POU2AF2: variants seen among roughly 807,000 people sequenced by gnomAD.
The protein encoded by POU2AF2 is POU class 2 homeobox associating factor 2.
At chr11:111,254,123 A>G in the POU2AF2 span, among the ~76,000 whole-genome samples, 1 of 152,250 alleles carries the variant, frequency 6.6e-6, no homozygotes, top group Non-Finnish European at 1.5e-5. Context: ...CACTCAATCA[A>G]TAATCAATAA....
the POU2AF2 span, among the ~76,000 whole-genome samples, chr11:111,267,640 G>A: frequency 8.5e-4 from 129 of 152,234 alleles, 1 homozygote; most frequent in South Asian, 0.026. Flanking sequence ...CCCCTTTCGA[G>A]GGCTGGAAGA....
chr11:111,284,205 C>A, the POU2AF2 span: 2 of 1,614,228 alleles, frequency 1.2e-6, no homozygotes, highest in Non-Finnish European at 1.7e-6. Flanking sequence ...CCCTGTGAGT[C>A]CTCCGCAGGG....
chr11:111,278,543 G>T, the POU2AF2 span, among the ~76,000 whole-genome samples: 1 of 143,758 alleles, frequency 7.0e-6, no homozygotes, highest in Non-Finnish European at 1.5e-5. Context: ...CCAGAGAGAT[G>T]ATCTCTCTCT....
chr11:111,281,699 T>G, the POU2AF2 span, among the ~76,000 whole-genome samples: 1 of 152,212 alleles, frequency 6.6e-6, no homozygotes, highest in African/African-American at 2.4e-5. Flanking sequence ...TGATACAGTT[T>G]TAAATTGTCT....
chr11:111,274,825 C>T, the POU2AF2 span, among the ~76,000 whole-genome samples: 57 of 152,176 alleles, frequency 3.7e-4, 1 homozygote, highest in African/African-American at 1.2e-3. Flanking sequence ...GGTTAAGAAA[C>T]AGGCTCTGAT....
the POU2AF2 span, among the ~76,000 whole-genome samples, chr11:111,276,439 G>GAAAAAAGAAA: frequency 9.0e-5 from 4 of 44,442 alleles, no homozygotes; most frequent in Non-Finnish European, 1.6e-4. Flanking sequence ...CTACTAAAAA[G>GAAAAAAGAAA]AAAAAAAAAA....
At chr11:111,266,337 C>T in the POU2AF2 span, among the ~76,000 whole-genome samples, 1 of 152,124 alleles carries the variant, frequency 6.6e-6, no homozygotes, top group Non-Finnish European at 1.5e-5. Flanking sequence ...TTTTCCCAGA[C>T]CTCAGAACGT....
chr11:111,247,462 C>A, the POU2AF2 span, among the ~76,000 whole-genome samples: 1 of 152,120 alleles, frequency 6.6e-6, no homozygotes, highest in Non-Finnish European at 1.5e-5. Flanking sequence ...GACCTAGCAT[C>A]TTTAAAAGTT....
At chr11:111,255,273 T>C in the POU2AF2 span, among the ~76,000 whole-genome samples, 13 of 152,176 alleles carry the variant, frequency 8.5e-5, no homozygotes, top group African/African-American at 3.1e-4. Context: ...CAGACCTCAG[T>C]TTCCCCATCT....
the POU2AF2 span, chr11:111,286,211 C>A: frequency 1.4e-6 from 1 of 727,238 alleles, no homozygotes. Context: ...ATCCTCTCCA[C>A]TGTAACCCCA....
chr11:111,268,815 C>T, the POU2AF2 span, among the ~76,000 whole-genome samples: 7 of 151,858 alleles, frequency 4.6e-5, no homozygotes, highest in Non-Finnish European at 7.4e-5. Flanking sequence ...CCCAAAGTGC[C>T]GGGATTACAG....
chr11:111,254,002 T>G, the POU2AF2 span, among the ~76,000 whole-genome samples: 4 of 152,326 alleles, frequency 2.6e-5, no homozygotes, highest in South Asian at 8.3e-4. Context: ...CTAGGTGTAT[T>G]TCTGTTCTTG....
the POU2AF2 span, among the ~76,000 whole-genome samples, chr11:111,281,085 G>A: frequency 6.6e-6 from 1 of 152,134 alleles, no homozygotes; most frequent in African/African-American, 2.4e-5. Context: ...CGTATATATA[G>A]TCACTTAATA....
the POU2AF2 span, among the ~76,000 whole-genome samples, chr11:111,277,072 A>G: frequency 6.6e-6 from 1 of 152,258 alleles, no homozygotes; most frequent in African/African-American, 2.4e-5. Context: ...AAAACAAGCT[A>G]AAAGAAAAGA....
At chr11:111,253,252 G>A in the POU2AF2 span, among the ~76,000 whole-genome samples, 1 of 152,120 alleles carries the variant, frequency 6.6e-6, no homozygotes, top group Non-Finnish European at 1.5e-5. Flanking sequence ...AGAAATCAGT[G>A]TTATAGGCAT....
chr11:111,250,143 T>C, the POU2AF2 span, among the ~76,000 whole-genome samples: 5 of 152,176 alleles, frequency 3.3e-5, no homozygotes, highest in Non-Finnish European at 7.4e-5. Flanking sequence ...CCGACCTTCT[T>C]GACTTCTCTT....
chr11:111,281,434 A>T, the POU2AF2 span: 3 of 1,613,828 alleles, frequency 1.9e-6, no homozygotes, highest in Non-Finnish European at 1.7e-6. Flanking sequence ...ATTTGTGCAG[A>T]TGCCAGGTGA....
At chr11:111,256,365 C>A in the POU2AF2 span, among the ~76,000 whole-genome samples, 1 of 152,132 alleles carries the variant, frequency 6.6e-6, no homozygotes, top group Non-Finnish European at 1.5e-5. Flanking sequence ...GTTTTCATGC[C>A]CTTTTTGAAA....
At chr11:111,259,731 A>T in the POU2AF2 span, among the ~76,000 whole-genome samples, 1 of 152,342 alleles carries the variant, frequency 6.6e-6, no homozygotes, top group South Asian at 2.1e-4. Flanking sequence ...AACTTCTAGA[A>T]CAAAAAAAGT....
Sources: allele counts gnomAD v4.1 joint callset (sites outside exome capture counted in the v4.1 genomes callset), GRCh38; gene constraint gnomAD v4.1.1; transcripts MANE v1.5; gene names NCBI Gene and HGNC (gene_info 2026-07-23, HGNC 2026-07-21).